The following MYO9B variants were observed in gnomAD, a reference collection of about 807,000 sequenced individuals.
The protein encoded by MYO9B is unconventional myosin-IXb.
A neutral mutation model predicts 229.5 loss-of-function variants in MYO9B; 71 were observed. The observed-to-expected ratio is 0.31, with a 90% CI of 0.26 to 0.38. The LOEUF (loss-of-function observed/expected upper bound fraction) is 0.38. MYO9B is among the 10% of genes least tolerant of loss of function. The pLI is 1.00. For missense variants in MYO9B, 2,255 were observed against 2,920.5 expected, an observed-to-expected ratio of 0.77 and a Z score of 5.25; for synonymous variants, 1,185 against 1,235.8, an observed-to-expected ratio of 0.96 and a Z score of 0.86.
At chr19:17,191,630 T>G (rs1016691288) in intron 20 of MYO9B, among the ~76,000 whole-genome samples, 1 of 152,150 alleles carries the variant, frequency 6.6e-6, no homozygotes, top group African/African-American at 2.4e-5. Context: ...TCAGCCACCC[T>G]TGTTTAACAA....
intron 28 of MYO9B, 47 bp from the exon 29 acceptor site, chr19:17,202,795 T>G (rs1386988503): frequency 6.5e-7 from 1 of 1,548,598 alleles, no homozygotes; most frequent in East Asian, 2.4e-5. Flanking sequence ...GGGTTGGGGC[T>G]CTTCCCAGGG....
At chr19:17,090,389 G>A (rs941111647) in intron 1 of MYO9B, among the ~76,000 whole-genome samples, 6 of 152,056 alleles carry the variant, frequency 3.9e-5, no homozygotes, top group Non-Finnish European at 5.9e-5. Flanking sequence ...GAGCTCAAGC[G>A]GTCTGCCGGC....
rs761321104 is a variant in MYO9B, at chr19:17,197,872, G to C, written c.4113+14G>C. On this transcript the variant is annotated intron_variant, in intron 23 of 39. Transcript: ENST00000682292. Reference sequence around the variant, plus strand: ...GCCAAGGCTCAGGTAACAACAACACGGCAAAACCCCGTCTCCACTAAAAAT... The same window carrying C: ...GCCAAGGCTCAGGTAACAACAACACCGCAAAACCCCGTCTCCACTAAAAAT... The C allele has an allele frequency of 1.9e-6, 3 of 1,612,192 alleles. No individual in the cohort carries two copies. The highest frequency in any genetic ancestry group is 2.5e-6 in the Non-Finnish European group (3 of 1,179,530).
chr19:17,133,800 A>T (rs1568266874), intron 2 of MYO9B, among the ~76,000 whole-genome samples: 1 of 151,234 alleles, frequency 6.6e-6, no homozygotes, highest in Non-Finnish European at 1.5e-5. Context: ...TCGCTCTGTC[A>T]CCCAGGCTGG....
chr19:17,194,508 A>C (rs938858286), intron 21 of MYO9B, 48 bp from the exon 22 acceptor site: 4 of 1,584,690 alleles, frequency 2.5e-6, no homozygotes, highest in Non-Finnish European at 3.4e-6. Context: ...TGGGAGGTGG[A>C]GGGAGTGTTT....
chr19:17,150,380 C>T (rs2072463239), intron 3 of MYO9B, among the ~76,000 whole-genome samples: 1 of 151,932 alleles, frequency 6.6e-6, no homozygotes, highest in Admixed American at 6.6e-5. Flanking sequence ...TGCACCCCAG[C>T]CTGGGTGGCA....
chr19:17,082,532 A>G (rs571069993), intron 1 of MYO9B, among the ~76,000 whole-genome samples: 1 of 152,036 alleles, frequency 6.6e-6, no homozygotes, highest in African/African-American at 2.4e-5. Flanking sequence ...TCCAGGGCAG[A>G]CGAGATCGGG....
chr19:17,203,206 C>A lies in MYO9B; in HGVS notation c.4938C>A (p.Cys1646Ter). 6.4e-7 allele frequency: 1 copy of A among 1,573,298 alleles called. No homozygotes were observed. The highest frequency in any genetic ancestry group is 2.4e-5 in the East Asian group (1 of 42,390). Reference sequence around the variant, plus strand: ...ACCAGGTTAGCATCCCGCAGTCGTGCGAGCAGTGCCTCTCCTATATCTGGC... The same window carrying A: ...ACCAGGTTAGCATCCCGCAGTCGTGAGAGCAGTGCCTCTCCTATATCTGGC... ...ASYQVSIPQS[C>*]EQCLSYIWLM... Residue 1646 changes from cysteine (C) to a stop codon, truncating the protein, a stop_gained, in exon 30 of 40, where the codon TGC becomes TGA. Transcript: ENST00000682292. LOFTEE classifies it high-confidence loss of function.
chr19:17,197,132 C>T (rs1412717850), intron 22 of MYO9B, among the ~76,000 whole-genome samples: 2 of 152,004 alleles, frequency 1.3e-5, no homozygotes, highest in African/African-American at 4.8e-5. Flanking sequence ...CAAAAATTAG[C>T]TGGATGTGTT....
chr19:17,117,266 C>G (rs1388077803), intron 2 of MYO9B, among the ~76,000 whole-genome samples: 1 of 152,168 alleles, frequency 6.6e-6, no homozygotes, highest in Non-Finnish European at 1.5e-5. Flanking sequence ...AGTGATTATC[C>G]AGGATAGATC....
intron 19 of MYO9B, among the ~76,000 whole-genome samples, chr19:17,190,645 A>AG (rs949191258): frequency 5.3e-5 from 8 of 150,824 alleles, no homozygotes; most frequent in African/African-American, 1.5e-4. Flanking sequence ...CTCAAAAAAA[A>AG]AAAAAAACAG....
chr19:17,129,037 C>T (rs1442983709), intron 2 of MYO9B, among the ~76,000 whole-genome samples: 3 of 152,076 alleles, frequency 2.0e-5, no homozygotes, highest in Non-Finnish European at 2.9e-5. Flanking sequence ...AGAAGTTCTG[C>T]GTGGCTCATG....
At chr19:17,183,946 T>G (rs183432759) in intron 16 of MYO9B, 78 bp downstream of exon 16, 1 of 1,364,044 alleles carries the variant, frequency 7.3e-7, no homozygotes, top group African/African-American at 1.5e-5. Context: ...CTTTCACTTC[T>G]GCAACTTCAT....
intron 11 of MYO9B, among the ~76,000 whole-genome samples, chr19:17,170,852 A>T (rs936761450): frequency 5.6e-5 from 8 of 142,134 alleles, no homozygotes; most frequent in African/African-American, 1.8e-4. Flanking sequence ...AAAAAAAAGT[A>T]GAGACGGCAG....
Position 17,102,299 on chromosome 19 carries a change from C to G in MYO9B, c.582C>G (p.Ile194Met), listed in dbSNP as rs769296545. 10 of 1,614,076 alleles carry G rather than the reference C, an allele frequency of 6.2e-6. No homozygotes were observed. The Admixed American group carries it at 1.7e-4, about 27-fold the overall frequency. The stretch of plus-strand genomic sequence containing the variant: ...TCAACCCCTTTAAGTTCCTGCCCAT[C>G]TACAACCCCAAGTACGTGAAGATGT... ...VAINPFKFLP[I>M]YNPKYVKMYE... is the part of the protein sequence containing the mutation. The change falls in exon 2 of 40, where the codon ATC becomes ATG. Residue 194 changes from isoleucine to methionine, a missense_variant. This residue lies in a region of MYO9B where 386 missense variants were observed against 515.2 expected (regional missense o/e 0.75). Transcript: ENST00000682292.
chr19:17,098,301 C>T (rs1218242762), intron 1 of MYO9B, among the ~76,000 whole-genome samples: 7 of 152,204 alleles, frequency 4.6e-5, no homozygotes, highest in African/African-American at 1.2e-4. Flanking sequence ...GCAGTCCACC[C>T]GCCTTGGCCT....
intron 2 of MYO9B, among the ~76,000 whole-genome samples, chr19:17,107,403 G>A (rs1451512538): frequency 6.6e-6 from 1 of 152,190 alleles, no homozygotes; most frequent in East Asian, 1.9e-4. Flanking sequence ...CAGGAGGCAG[G>A]ATTGCCACCT....
In MYO9B at chr19:17,202,753, C is replaced by T. The variant is rs1207876522; in HGVS notation, c.4837-89C>T. The T allele has an allele frequency of 4.5e-6, 6 of 1,340,178 alleles. No homozygotes were observed. The African/African-American group carries it at 8.8e-5, about 20-fold the overall frequency. 83.0% of individuals were successfully genotyped at this position (1,340,178 alleles called of 1,614,324 possible). On this transcript the variant is annotated intron_variant, in intron 28 of 39. Coordinates refer to ENST00000682292, the MANE Select transcript of MYO9B (RefSeq NM_004145.4). Reference sequence around the variant, plus strand: ...TCCAGGTGAGGGAGGGTTCAGGGTACCCACACGCCTGAGTTATGGGGTGCC... The same window carrying T: ...TCCAGGTGAGGGAGGGTTCAGGGTATCCACACGCCTGAGTTATGGGGTGCC...
intron 31 of MYO9B, 42 bp downstream of exon 31, chr19:17,205,378 C>G (rs750166789): frequency 1.3e-6 from 2 of 1,579,376 alleles, no homozygotes; most frequent in Non-Finnish European, 8.7e-7. Context: ...TGACACTCCA[C>G]TCACGGCCAG....
Sources: gnomAD v4.1 joint callset for allele counts (sites outside exome capture counted in the v4.1 genomes callset) on GRCh38, gnomAD v4.1.1 for gene constraint, gnomAD v4.1.1 regional missense constraint, MANE v1.5 for transcripts, NCBI Gene and HGNC (gene_info 2026-07-23, HGNC 2026-07-21) for gene names.